TRPV1: variants seen among roughly 807,000 people sequenced by gnomAD.
TRPV1 encodes OTRPC1.
Under a neutral mutation model 82.3 loss-of-function variants are expected in TRPV1, and 82 were observed. That is an observed-to-expected ratio of 1.00 (90% confidence interval 0.83 to 1.20). The LOEUF is 1.20. TRPV1 is among the 50% of genes most tolerant of loss of function. The pLI, the probability that TRPV1 is intolerant of heterozygous loss-of-function variation, is 0.00. For synonymous variants in TRPV1, 515 were observed against 467.7 expected, an observed-to-expected ratio of 1.10 and a Z score of -1.30; for missense variants, 1,067 against 1,096.8, an observed-to-expected ratio of 0.97 and a Z score of 0.38.
chr17:3,584,752 C>T (rs1455248160), intron 9 of TRPV1, among the ~76,000 whole-genome samples: 6 of 152,066 alleles, frequency 3.9e-5, no homozygotes, highest in Non-Finnish European at 8.8e-5. Flanking sequence ...GCAGAGATTG[C>T]GCCACTGCAC....
intron 14 of TRPV1, 34 bp downstream of exon 14, chr17:3,573,599 C>T (rs1386771450): frequency 8.9e-6 from 14 of 1,567,590 alleles, no homozygotes; most frequent in African/African-American, 5.4e-5. Context: ...ACACTCTCCG[C>T]GCCACTCACC....
In TRPV1 at chr17:3,581,761, T is replaced by TGC. The variant is rs1567664455; in HGVS notation, c.1477-1235_1477-1234insGC. Among the ~76,000 whole-genome samples, 28 of 79,428 alleles carry TGC rather than the reference T, an allele frequency of 3.5e-4. No individual in the cohort carries two copies. The South Asian group carries it at 4.6e-3, about 13-fold the overall frequency. 52.1% of individuals were successfully genotyped at this position (79,428 alleles called of 152,430 possible). A position where few individuals can be genotyped will look rare whatever the true frequency, so the allele number is the denominator to read the frequency against. On this transcript the variant is annotated intron_variant, in intron 10 of 16. Transcript: ENST00000572705. Reference sequence around the variant, plus strand: ...TTAGCCGGGCGCGGTGGCACGCACCTGTAGTCCCAGCTACTCGGGAGGCTG... The same window carrying TGC: ...TTAGCCGGGCGCGGTGGCACGCACCTGCGTAGTCCCAGCTACTCGGGAGGCTG...
At chr17:3,578,994 G>A (rs1567662660) in intron 11 of TRPV1, 2 of 152,186 alleles carry the variant, frequency 1.3e-5, no homozygotes, top group South Asian at 2.1e-4. Context: ...CAAGCACAAA[G>A]ACGGGAACAA....
intron 13 of TRPV1, among the ~76,000 whole-genome samples, chr17:3,576,668 AATATAT>A (rs1555549458): frequency 5.2e-5 from 2 of 38,386 alleles, no homozygotes; most frequent in East Asian, 1.7e-3. Context: ...AAAAAAAAAA[AATATAT>A]ATATATATAT....
intron 2 of TRPV1, among the ~76,000 whole-genome samples, chr17:3,599,492 A>G (rs755571440): frequency 2.4e-5 from 3 of 122,824 alleles, no homozygotes; most frequent in Non-Finnish European, 3.0e-5. Flanking sequence ...TTATGAATTT[A>G]ACTATTCTAG....
chr17:3,578,304 T>A (rs530457399), intron 11 of TRPV1: 1 of 144,546 alleles, frequency 6.9e-6, no homozygotes, highest in Admixed American at 7.4e-5. Context: ...CGAGACTCCG[T>A]CTCAAATAAA....
At position 3,570,937 on chromosome 17, in the gene TRPV1, A is replaced by G. The variant is rs187908375; in HGVS notation, c.2347+587T>C. ...TCACGATGTTGGCCAAGCTGGTCTC[A>G]AACTCCCGGCCTCAGGTGATCCACC... On this transcript the variant is annotated intron_variant, in intron 16 of 16. Transcript: ENST00000572705. Among the ~76,000 whole-genome samples the G allele has an allele frequency of 3.4e-3, 520 of 152,126 alleles. 1 individual carries two copies. Among genetic ancestry groups the G allele is most frequent in the Non-Finnish European group, 5.9e-3 (401 of 67,978 alleles).
chr17:3,578,025 C>T lies in TRPV1; in HGVS notation c.1548-262G>A, dbSNP rs148712742. ...CAGATATAAATATAGTACCTAAAGG[C>T]CAGGCGCAGTAGCTCACGCCTTTAA... On this transcript the variant is annotated intron_variant, in intron 11 of 16. Coordinates refer to ENST00000572705, the MANE Select transcript of TRPV1 (RefSeq NM_080704.4). The T allele has an allele frequency of 2.4e-3, 813 of 333,228 alleles. 5 individuals carry two copies. Among genetic ancestry groups the T allele is most frequent in the African/African-American group, 0.015 (755 of 48,888 alleles). The allele number at this position is 333,228 out of a possible 1,614,324, so 20.6% of individuals were successfully genotyped here. A position where few individuals can be genotyped will look rare whatever the true frequency, so the allele number is the denominator to read the frequency against.
intron 5 of TRPV1, 52 bp from the exon 6 acceptor site, chr17:3,590,444 C>A: frequency 1.9e-6 from 3 of 1,595,132 alleles, no homozygotes; most frequent in Admixed American, 1.7e-5. Flanking sequence ...GTGGGGCTGC[C>A]GGGACAGGTG....
chr17:3,576,980 C>A, intron 13 of TRPV1, 146 bp downstream of exon 13: 1 of 735,598 alleles, frequency 1.4e-6, no homozygotes, highest in Non-Finnish European at 2.2e-6. Flanking sequence ...GAGCTCATTT[C>A]AGTGTGTCCT....
intron 10 of TRPV1, 90 bp from the exon 11 acceptor site, chr17:3,580,617 T>C (rs949610842): frequency 1.7e-5 from 23 of 1,366,900 alleles, no homozygotes; most frequent in Non-Finnish European, 2.1e-5. Context: ...GGCACCATGA[T>C]GGGGTGGTCG....
At position 3,573,142 on chromosome 17, in the gene TRPV1, G is replaced by A. The variant is rs222782; in HGVS notation, c.2103+491C>T. On this transcript the variant is annotated intron_variant, in intron 14 of 16. Transcript: ENST00000572705. ...AGAACGAAACTTATTATTAGTAGTTGGGGATGCAGATGTGGCCCACGGGGC... is the reference window on the plus strand; with the variant it reads ...AGAACGAAACTTATTATTAGTAGTTAGGGATGCAGATGTGGCCCACGGGGC... Among the ~76,000 whole-genome samples, 913 of 152,284 alleles carry A rather than the reference G, an allele frequency of 6.0e-3. 6 individuals carry two copies. The highest frequency in any genetic ancestry group is 9.4e-3 in the Non-Finnish European group (639 of 68,028).
rs1341151906 is a variant in TRPV1, at chr17:3,588,322, T to C, written c.1090A>G (p.Arg364Gly). The change falls in exon 8 of 17, where the codon AGG (arginine) becomes GGG (glycine). Residue 364 changes from arginine to glycine, a missense_variant. Transcript: ENST00000572705. The stretch of plus-strand genomic sequence containing the variant: ...TCGGTGAACTTCCTGGACAGGTGCC[T>C]GCACTCGGGCTCCTGGATCTCCCGC... ...LQREIQEPEC[R>G]HLSRKFTEWA... is the part of the protein sequence containing the mutation. The C allele has an allele frequency of 1.3e-6, 2 of 1,567,484 alleles. No homozygotes were observed. The highest frequency in any genetic ancestry group is 2.7e-5 in the African/African-American group (2 of 73,562).
At chr17:3,589,703 CG>C in intron 7 of TRPV1, 103 bp downstream of exon 7, 1 of 1,345,064 alleles carries the variant, frequency 7.4e-7, no homozygotes, top group Non-Finnish European at 1.0e-6. Flanking sequence ...ATCAGAGTCC[CG>C]CACACACAGA....
In TRPV1 at chr17:3,566,899, T is replaced by C. The variant is rs1456639320; in HGVS notation, c.2436A>G (p.Glu812=). ...ARDRQSAQPE[E]VYLRQFSGSL... Reference sequence around the variant, plus strand: ...ACCCTGAAAACTGTCGCAGATAAACTTCCTCGGGCTGAGCAGACTGCCTAT... The same window carrying C: ...ACCCTGAAAACTGTCGCAGATAAACCTCCTCGGGCTGAGCAGACTGCCTAT... The change falls in exon 17 of 17, where the codon GAA becomes GAG. Residue 812 remains glutamate (E), a synonymous_variant. Coordinates refer to ENST00000572705, the MANE Select transcript of TRPV1 (RefSeq NM_080704.4). 5.0e-6 allele frequency: 8 copies of C among 1,613,964 alleles called. No individual in the cohort carries two copies. Among genetic ancestry groups the C allele is most frequent in the Non-Finnish European group, 6.8e-6 (8 of 1,179,878 alleles).
chr17:3,579,845 G>A (rs2074982413), intron 11 of TRPV1, among the ~76,000 whole-genome samples: 1 of 152,162 alleles, frequency 6.6e-6, no homozygotes, highest in Non-Finnish European at 1.5e-5. Context: ...TCAACCGGGA[G>A]TGATTCCGGC....
At position 3,577,153 on chromosome 17, in the gene TRPV1, T is replaced by C. The variant is rs8065080; in HGVS notation, c.1753A>G (p.Ile585Val). Residue 585 changes from isoleucine to valine, a missense_variant, in exon 13 of 17, where the codon ATC becomes GTC. Coordinates refer to ENST00000572705, the MANE Select transcript of TRPV1 (RefSeq NM_080704.4). ...RDLCRFMFVY[I>V]VFLFGFSTAV... The stretch of plus-strand genomic sequence containing the variant: ...GTGGAAAACCCGAACAAGAAGACGA[T>C]GTAGACAAACATGAAACGGCACAGG... 585,573 of 1,587,278 alleles carry C rather than the reference T, an allele frequency of 0.37. 112,985 individuals are homozygous for C. The highest frequency in any genetic ancestry group is 0.63 in the East Asian group (27,501 of 43,560).
At chr17:3,568,063 C>T (rs552398174) in intron 16 of TRPV1, among the ~76,000 whole-genome samples, 1 of 152,288 alleles carries the variant, frequency 6.6e-6, no homozygotes, top group East Asian at 1.9e-4. Flanking sequence ...TGGCTCACGC[C>T]TGTAATCCCA....
intron 10 of TRPV1, among the ~76,000 whole-genome samples, chr17:3,581,452 T>C (rs2075008781): frequency 6.6e-6 from 1 of 152,076 alleles, no homozygotes; most frequent in Non-Finnish European, 1.5e-5. Flanking sequence ...TGTACTTTAC[T>C]GTAATGTAAA....
Sources: gnomAD v4.1 joint callset for allele counts (sites outside exome capture counted in the v4.1 genomes callset) on GRCh38, gnomAD v4.1.1 for gene constraint, MANE v1.5 for transcripts, NCBI Gene and HGNC (gene_info 2026-07-23, HGNC 2026-07-21) for gene names.